Variants in UBR3 observed in about 807,000 individuals in gnomAD.
The protein encoded by UBR3 is ubiquitin protein ligase E3 component n-recognin 3.
A neutral mutation model predicts 243.2 loss-of-function variants in UBR3; 85 were observed. That is an observed-to-expected ratio of 0.35 (90% CI 0.29 to 0.42). The LOEUF (loss-of-function observed/expected upper bound fraction) is 0.42, where lower values mean the gene tolerates loss of function less well. Among genes scored for constraint, UBR3 ranks in the 10% least tolerant of loss-of-function variants. The pLI is 1.00. For synonymous variants in UBR3, 748 were observed against 799.8 expected, an observed-to-expected ratio of 0.94 and a Z score of 1.09; for missense variants, 1,686 against 2,300.8, an observed-to-expected ratio of 0.73 and a Z score of 5.47.
At chr2:169,896,357 C>CT (rs1574147292) in intron 7 of UBR3, 150 bp from the exon 8 acceptor site, 2 of 514,700 alleles carry the variant, frequency 3.9e-6, no homozygotes, top group Non-Finnish European at 6.5e-6. Flanking sequence ...AAGTGAAAGA[C>CT]TACCTCACCA....
At chr2:169,982,819 TA>T (rs1046941015) in intron 24 of UBR3, among the ~76,000 whole-genome samples, 8 of 152,072 alleles carry the variant, frequency 5.3e-5, no homozygotes, top group African/African-American at 1.7e-4. Flanking sequence ...TTTAGTGATT[TA>T]AAAAAACAAC....
chr2:170,043,822 C>G (rs2091022476), intron 32 of UBR3, among the ~76,000 whole-genome samples: 1 of 152,058 alleles, frequency 6.6e-6, no homozygotes, highest in Non-Finnish European at 1.5e-5. Context: ...TATATTATTT[C>G]TTAAAATTTT....
rs553322208 is a variant in UBR3, at chr2:169,888,259, C to T, written c.1039-2906C>T. ...GTTCAAGCAATTCTCCAGCCTCAGCCTGCCGAGTAGCTGGGATTATAGGTG... is the reference window on the plus strand; with the variant it reads ...GTTCAAGCAATTCTCCAGCCTCAGCTTGCCGAGTAGCTGGGATTATAGGTG... On this transcript the variant is annotated intron_variant, in intron 5 of 38. Transcript: ENST00000272793. Among the ~76,000 whole-genome samples the T allele has an allele frequency of 2.2e-3, 332 of 152,030 alleles. 2 individuals are homozygous for T. Among genetic ancestry groups the T allele is most frequent in the African/African-American group, 7.8e-3 (324 of 41,472 alleles).
chr2:169,878,638 TA>T, intron 5 of UBR3, 64 bp downstream of exon 5: 4 of 1,331,018 alleles, frequency 3.0e-6, no homozygotes, highest in Non-Finnish European at 1.0e-6. Flanking sequence ...ACTTTTTTAT[TA>T]TTTTATACTT....
chr2:169,919,908 C>T (rs2085623733), intron 11 of UBR3, among the ~76,000 whole-genome samples: 1 of 152,144 alleles, frequency 6.6e-6, no homozygotes. Context: ...GTGGCGATTC[C>T]TCAGGGATCT....
chr2:170,061,522 C>A, intron 35 of UBR3, 79 bp downstream of exon 35: 2 of 1,546,146 alleles, frequency 1.3e-6, no homozygotes, highest in South Asian at 1.2e-5. Context: ...GACTGGAGTG[C>A]AGTGGCACAA....
At chr2:169,878,732 A>G (rs2083710293) in intron 5 of UBR3, among the ~76,000 whole-genome samples, 158 bp downstream of exon 5, 1 of 152,198 alleles carries the variant, frequency 6.6e-6, no homozygotes, top group African/African-American at 2.4e-5. Flanking sequence ...ACTGAAGCCC[A>G]TAATGGCTTC....
Position 170,018,225 on chromosome 2 carries a change from C to T in UBR3, c.4453+2859C>T, listed in dbSNP as rs550135214. 3.7e-3 allele frequency among the ~76,000 whole-genome samples: 569 copies of T among 152,188 alleles called. 3 individuals are homozygous for T. Among genetic ancestry groups the T allele is most frequent in the Non-Finnish European group, 6.5e-3 (444 of 68,024 alleles). ...CTATTTTCTTTTGTCAGCCTTTCAC[C>T]GTGAATCCTTTTTTGTTTGTTTGTT... is the stretch of plus-strand genomic sequence containing the variant. On this transcript the variant is annotated intron_variant, in intron 30 of 38. Coordinates refer to ENST00000272793, the MANE Select transcript of UBR3 (RefSeq NM_172070.4).
intron 30 of UBR3, among the ~76,000 whole-genome samples, chr2:170,018,375 A>G (rs903406252): frequency 6.6e-6 from 1 of 152,080 alleles, no homozygotes; most frequent in African/African-American, 2.4e-5. Context: ...TGCTCTTGCT[A>G]TGAGCCATGT....
chr2:169,958,402 A>C (rs768649314), intron 23 of UBR3, 36 bp from the exon 24 acceptor site: 3 of 1,595,572 alleles, frequency 1.9e-6, no homozygotes, highest in South Asian at 2.2e-5. Flanking sequence ...TCTTAAGCGC[A>C]TCTGATACTT....
chr2:169,898,814 G>T (rs2105329399), intron 8 of UBR3, among the ~76,000 whole-genome samples: 1 of 150,746 alleles, frequency 6.6e-6, no homozygotes, highest in East Asian at 2.0e-4. Flanking sequence ...CCATTCTCCT[G>T]CCTCAGCCTC....
chr2:170,034,038 T>G (rs1270747093), intron 31 of UBR3, among the ~76,000 whole-genome samples: 1 of 151,608 alleles, frequency 6.6e-6, no homozygotes, highest in Non-Finnish European at 1.5e-5. Context: ...TAGAGCAATT[T>G]TAGATTCACA....
At chr2:169,991,644 G>A (rs528513525) in intron 25 of UBR3, among the ~76,000 whole-genome samples, 47 of 152,138 alleles carry the variant, frequency 3.1e-4, no homozygotes, top group Admixed American at 2.4e-3. Context: ...GTGCAGTGGC[G>A]TGGTCTCGGC....
intron 11 of UBR3, among the ~76,000 whole-genome samples, chr2:169,914,793 A>G (rs539983671): frequency 3.3e-5 from 5 of 152,104 alleles, no homozygotes; most frequent in Non-Finnish European, 5.9e-5. Flanking sequence ...CTGGGCACAC[A>G]GAACCGTTGC....
chr2:170,007,052 G>A lies in UBR3; in HGVS notation c.4092G>A (p.Arg1364=). The stretch of plus-strand genomic sequence containing the variant: ...GAGAATTCACGTGTCCACTCTGTAG[G>A]CAGTTTGCTAACAGTGTTCTTCCAT... ...DKGEFTCPLC[R]QFANSVLPCY... Residue 1364 remains arginine (R), a synonymous_variant, in exon 28 of 39, where the codon AGG becomes AGA. Transcript: ENST00000272793. The A allele has an allele frequency of 1.9e-6, 3 of 1,613,526 alleles. No homozygotes were observed. Among genetic ancestry groups the A allele is most frequent in the Non-Finnish European group, 2.5e-6 (3 of 1,179,906 alleles).
At chr2:170,005,619 A>T (rs2089886912) in intron 27 of UBR3, among the ~76,000 whole-genome samples, 1 of 152,174 alleles carries the variant, frequency 6.6e-6, no homozygotes, top group Non-Finnish European at 1.5e-5. Flanking sequence ...TTTAAATTTA[A>T]TATTTTCAGA....
chr2:170,061,054 G>C, intron 33 of UBR3, 25 bp from the exon 34 acceptor site: 1 of 1,450,826 alleles, frequency 6.9e-7, no homozygotes, highest in South Asian at 1.4e-5. Context: ...AGTGACCAGT[G>C]TAACCAATAT....
chr2:170,069,438 T>C (rs1021361731), intron 35 of UBR3, among the ~76,000 whole-genome samples: 2 of 152,146 alleles, frequency 1.3e-5, no homozygotes, highest in African/African-American at 4.8e-5. Flanking sequence ...CACATAGTTA[T>C]CTGTTTTCTG....
At chr2:169,847,122 T>C (rs905172728) in intron 1 of UBR3, among the ~76,000 whole-genome samples, 1 of 77,716 alleles carries the variant, frequency 1.3e-5, no homozygotes, top group East Asian at 3.5e-4. Context: ...TGTGTGTGTG[T>C]GTGCGCTGGC....
Sources: gnomAD v4.1 joint callset for allele counts (sites outside exome capture counted in the v4.1 genomes callset) on GRCh38, gnomAD v4.1.1 for gene constraint, MANE v1.5 for transcripts, NCBI Gene and HGNC (gene_info 2026-07-23, HGNC 2026-07-21) for gene names.